Variants in PPARA observed in about 807,000 individuals in gnomAD.
PPARA encodes the protein peroxisome proliferator-activated receptor alpha.
Under a neutral mutation model 42.2 loss-of-function variants are expected in PPARA, and 22 were observed. The ratio of observed to expected loss-of-function variants is 0.52; its 90% confidence interval spans 0.37 to 0.74. The LOEUF (loss-of-function observed/expected upper bound fraction) is 0.74. Among genes scored for constraint, PPARA ranks in the 30% least tolerant of loss-of-function variants. The probability of loss-of-function intolerance (pLI) is 0.00; values close to 1 mark genes in which losing one functional copy is unlikely to be tolerated. For synonymous variants in PPARA, 242 were observed against 239.3 expected (o/e 1.01, Z -0.10); for missense variants, 465 against 608.2 (o/e 0.76, Z 2.48).
intron 4 of PPARA, among the ~76,000 whole-genome samples, chr22:46,202,410 A>G (rs4823613): frequency 0.3 from 45,432 of 151,896 alleles, 6,964 homozygotes; most frequent in African/African-American, 0.38. Context: ...ATTTAACCCA[A>G]TTCCACAGAC....
At chr22:46,158,831 T>A (rs1392212869) in intron 2 of PPARA, among the ~76,000 whole-genome samples, 1 of 152,212 alleles carries the variant, frequency 6.6e-6, no homozygotes, top group Non-Finnish European at 1.5e-5. Context: ...AATTCTAGAC[T>A]GCAGTCTCAT....
chr22:46,189,628 T>C (rs1332797420), intron 3 of PPARA, among the ~76,000 whole-genome samples: 1 of 152,242 alleles, frequency 6.6e-6, no homozygotes, highest in South Asian at 2.1e-4. Context: ...GTGTTTCCAT[T>C]GGCATTTTCT....
Position 46,241,357 on chromosome 22 carries a change from G to A in PPARA, c.*5977G>A, listed in dbSNP as rs9626814. On this transcript the variant is annotated 3_prime_UTR_variant, in exon 9 of 9. Coordinates refer to ENST00000407236, the MANE Select transcript of PPARA (RefSeq NM_005036.6). This position sits in a 1 kb window ranked among gnomAD's most constrained non-coding sequence, Gnocchi z 5.7. ...CATATATTTCTCTGGAAACCACAGT[G>A]TACACTAAAATGTGAAATTGAAGGT... is the stretch of plus-strand genomic sequence containing the variant. The A allele has an allele frequency of 0.18, 28,014 of 152,228 alleles. 3,978 individuals are homozygous for A. The highest frequency in any genetic ancestry group is 0.4 in the African/African-American group (16,401 of 41,506). The allele number at this position is 152,228 out of a possible 1,614,324, so 9.4% of individuals were successfully genotyped here. A position where few individuals can be genotyped will look rare whatever the true frequency, so the allele number is the denominator to read the frequency against.
rs1936256729 is a variant in PPARA, at chr22:46,237,550, AT to A, written c.*2171del. 1 of 151,674 alleles carries A rather than the reference AT, an allele frequency of 6.6e-6. No homozygotes were observed. The highest frequency in any genetic ancestry group is 2.4e-5 in the African/African-American group (1 of 41,066). 9.4% of individuals were successfully genotyped at this position (151,674 alleles called of 1,614,324 possible). ...GAGGTCGAGGCTGCAGTGAGCTGTG[AT>A]CTCACCACTGCATTCCAGCCTGGGT... On this transcript the variant is annotated 3_prime_UTR_variant, in exon 9 of 9. Transcript: ENST00000407236. This position sits in a 1 kb window ranked among gnomAD's most constrained non-coding sequence, Gnocchi z 6.7.
rs566678277 is a variant in PPARA at position 46,168,079 on chromosome 22, G to T, written c.-126-8674G>T. On this transcript the variant is annotated intron_variant, in intron 2 of 8. Coordinates refer to ENST00000407236, the MANE Select transcript of PPARA (RefSeq NM_005036.6). The stretch of plus-strand genomic sequence containing the variant: ...CTCTTAAAGAAGAAAGCGACCGGGC[G>T]CAGTGGCTCACGCCTGTAATCCCAG... Among the ~76,000 whole-genome samples, 21 of 151,684 alleles carry T rather than the reference G, an allele frequency of 1.4e-4. No individual in the cohort carries two copies. The East Asian group carries it at 4.1e-3, about 30-fold the overall frequency.
In PPARA at chr22:46,195,007, A is replaced by T. The variant is rs1932054963; in HGVS notation, c.-42-3335A>T. On this transcript the variant is annotated intron_variant, in intron 3 of 8. Coordinates refer to ENST00000407236, the MANE Select transcript of PPARA (RefSeq NM_005036.6). This position sits in a 1 kb window ranked among gnomAD's most constrained non-coding sequence, Gnocchi z 4.6. ...AACCTCCACCTCCTGGGTTCAAGCG[A>T]TTCTCTTGCCTCAGTCTCCTGAGTA... is the stretch of plus-strand genomic sequence containing the variant. Among the ~76,000 whole-genome samples the T allele has an allele frequency of 6.8e-6, 1 of 145,986 alleles. No homozygotes were observed. The highest frequency in any genetic ancestry group is 2.1e-4 in the South Asian group (1 of 4,682).
chr22:46,152,904 G>T (rs1569177639), intron 2 of PPARA, among the ~76,000 whole-genome samples: 1 of 152,152 alleles, frequency 6.6e-6, no homozygotes, highest in Non-Finnish European at 1.5e-5. Context: ...GGCCAACATG[G>T]TGAAACCTTG....
intron 3 of PPARA, among the ~76,000 whole-genome samples, chr22:46,179,327 G>A (rs551436700): frequency 3.0e-4 from 46 of 152,218 alleles, no homozygotes; most frequent in Middle Eastern, 3.4e-3. Context: ...GTAACTCATC[G>A]TATTAACAGG....
chr22:46,181,723 TG>T (rs1291940869), intron 3 of PPARA, among the ~76,000 whole-genome samples: 2 of 152,176 alleles, frequency 1.3e-5, no homozygotes, highest in African/African-American at 2.4e-5. Context: ...GAGGACACCC[TG>T]GGCATCCAGA....
chr22:46,181,379 A>G (rs867599969), intron 3 of PPARA, among the ~76,000 whole-genome samples: 7 of 152,128 alleles, frequency 4.6e-5, no homozygotes, highest in Admixed American at 2.0e-4. Flanking sequence ...CAGCTGCAGC[A>G]GGCTGTGGCA....
chr22:46,181,262 C>T (rs1379611340), intron 3 of PPARA, among the ~76,000 whole-genome samples: 5 of 152,026 alleles, frequency 3.3e-5, no homozygotes, highest in Non-Finnish European at 5.9e-5. Context: ...CCGGGAGGGC[C>T]GTGATGTGGG....
chr22:46,168,091 G>A (rs1039570142), intron 2 of PPARA, among the ~76,000 whole-genome samples: 2 of 151,558 alleles, frequency 1.3e-5, no homozygotes, highest in African/African-American at 4.8e-5. Flanking sequence ...AGTGGCTCAC[G>A]CCTGTAATCC....
rs1238325685 is a variant in PPARA, at chr22:46,229,072, A to G, written c.712-2720A>G. The stretch of plus-strand genomic sequence containing the variant: ...CTGTGAGCCAAGATCACGCCACTGC[A>G]CTCCAGCCTGGGCAACAGAGCGAGA... On this transcript the variant is annotated intron_variant, in intron 7 of 8. Coordinates refer to ENST00000407236, the MANE Select transcript of PPARA (RefSeq NM_005036.6). Among the ~76,000 whole-genome samples, 5 of 150,972 alleles carry G rather than the reference A, an allele frequency of 3.3e-5. No individual in the cohort carries two copies. The Admixed American group carries it at 3.3e-4, about 10-fold the overall frequency.
chr22:46,189,444 T>C (rs1297436315), intron 3 of PPARA, among the ~76,000 whole-genome samples: 1 of 152,232 alleles, frequency 6.6e-6, no homozygotes, highest in Non-Finnish European at 1.5e-5. Flanking sequence ...TGCCAAATTC[T>C]TTTGATTACA....
chr22:46,175,713 T>TAAA (rs869225389), intron 2 of PPARA, among the ~76,000 whole-genome samples: 1 of 133,198 alleles, frequency 7.5e-6, no homozygotes, highest in Non-Finnish European at 1.6e-5. Context: ...GACTCCATCT[T>TAAA]AAAAAAAAAA....
intron 2 of PPARA, among the ~76,000 whole-genome samples, chr22:46,154,665 T>TTTTA (rs923966375): frequency 9.2e-5 from 14 of 151,890 alleles, no homozygotes; most frequent in South Asian, 2.1e-4. Flanking sequence ...GTGTTTTTAA[T>TTTTA]TTTATTTATT....
In PPARA at chr22:46,215,318, G is replaced by A. The variant is rs199807795; in HGVS notation, c.354G>A (p.Ala118=). The change falls in exon 5 of 9, where the codon GCG becomes GCA. Residue 118 remains alanine (A), a synonymous_variant. Coordinates refer to ENST00000407236, the MANE Select transcript of PPARA (RefSeq NM_005036.6). ...CAGGCTATCATTACGGAGTCCACGC[G>A]TGTGAAGGCTGCAAGGTAGAGGGGA... ...KASGYHYGVH[A]CEGCKGFFRR... 14 of 1,614,134 alleles carry A rather than the reference G, an allele frequency of 8.7e-6. 1 individual carries two copies. The Middle Eastern group carries it at 5.0e-4, about 57-fold the overall frequency.
intron 4 of PPARA, among the ~76,000 whole-genome samples, chr22:46,207,190 A>T (rs1408065143): frequency 6.6e-6 from 1 of 151,200 alleles, no homozygotes; most frequent in Admixed American, 6.6e-5. Context: ...GCCACTGCAC[A>T]CCAGCCTGGG....
chr22:46,197,439 A>T (rs11703495), intron 3 of PPARA, among the ~76,000 whole-genome samples: 23,845 of 152,190 alleles, frequency 0.16, 2,625 homozygotes, highest in African/African-American at 0.32. Context: ...GATGACTGAG[A>T]GATTCCTGGC....
Sources: gnomAD v4.1 joint callset for allele counts (sites outside exome capture counted in the v4.1 genomes callset) on GRCh38, gnomAD v4.1.1 for gene constraint, Gnocchi (gnomAD v3.1) non-coding constraint, MANE v1.5 for transcripts, NCBI Gene and HGNC (gene_info 2026-07-23, HGNC 2026-07-21) for gene names.